CBL: variants seen among roughly 807,000 people sequenced by gnomAD.
CBL encodes Cbl proto-oncogene, also known as E3 ubiquitin-protein ligase CBL.
CBL carries 45 observed loss-of-function variants against 96.9 expected under a neutral mutation model. The ratio of observed to expected loss-of-function variants is 0.46; its 90% CI spans 0.37 to 0.60. CBL has a LOEUF of 0.60. Among genes scored for constraint, CBL ranks in the 20% least tolerant of loss-of-function variants. The pLI is 0.00. For synonymous variants in CBL, 420 were observed against 426.8 expected (o/e 0.98, Z 0.20); for missense variants, 1,024 against 1,143.5 (o/e 0.90, Z 1.51).
rs1429022631 is a variant in CBL at position 119,302,989 on chromosome 11, T to C, written c.*3208T>C. Reference sequence around the variant, plus strand: ...ACTACTGTTAGTATTATTTAACTATTTTGTAGATTTAAAAGATTTCTGGTT... The same window carrying C: ...ACTACTGTTAGTATTATTTAACTATCTTGTAGATTTAAAAGATTTCTGGTT... On this transcript the variant is annotated 3_prime_UTR_variant, in exon 16 of 16. Transcript: ENST00000264033. 3 of 228,128 alleles carry C rather than the reference T, an allele frequency of 1.3e-5. No homozygotes were observed. Among genetic ancestry groups the C allele is most frequent in the African/African-American group, 6.6e-5 (3 of 45,114 alleles). The allele number at this position is 228,128 out of a possible 1,614,324, so 14.1% of individuals were successfully genotyped here.
chr11:119,241,661 A>G (rs1032381502), intron 2 of CBL, among the ~76,000 whole-genome samples: 2 of 152,204 alleles, frequency 1.3e-5, no homozygotes, highest in African/African-American at 2.4e-5. Context: ...TAAGTGTGCA[A>G]AATTCTTCTG....
At chr11:119,216,209 C>T (rs1949358784) in intron 1 of CBL, among the ~76,000 whole-genome samples, 1 of 152,220 alleles carries the variant, frequency 6.6e-6, no homozygotes, top group Non-Finnish European at 1.5e-5. Context: ...ACAACCACCA[C>T]TGTTTGCTGC....
intron 14 of CBL, 119 bp from the exon 15 acceptor site, chr11:119,298,239 G>A: frequency 1.1e-6 from 1 of 896,486 alleles, no homozygotes. Flanking sequence ...TAGACAATCA[G>A]TAACTGTTGA....
chr11:119,273,534 C>G (rs1014196862), intron 3 of CBL, among the ~76,000 whole-genome samples: 5 of 152,180 alleles, frequency 3.3e-5, no homozygotes, highest in African/African-American at 9.7e-5. Context: ...GATTTTCCCC[C>G]CTCAGCCTCC....
intron 2 of CBL, among the ~76,000 whole-genome samples, chr11:119,246,287 AATAC>A (rs1467122399): frequency 6.6e-6 from 1 of 151,570 alleles, no homozygotes; most frequent in African/African-American, 2.4e-5. Context: ...AAATCTTTTT[AATAC>A]ATAGTTTAAG....
chr11:119,298,480 G>C lies in CBL; in HGVS notation c.2374G>C (p.Asp792His). Reference sequence around the variant, plus strand: ...CGTGCTGGCCCGCCGAACTCTCTCAGATATCTCTAATGCCAGCTCCTCCTT... The same window carrying C: ...CGTGCTGGCCCGCCGAACTCTCTCACATATCTCTAATGCCAGCTCCTCCTT... ...PAVLARRTLS[D>H]ISNASSSFGW... The change falls in exon 15 of 16, where the codon GAT becomes CAT. Residue 792 changes from aspartate (D) to histidine (H), a missense_variant. Physicochemically the swap from Asp to His is moderately conservative, Grantham distance 81 (BLOSUM62 -1). This residue lies in a region of CBL where 695 missense variants were observed against 661.6 expected (regional missense o/e 1.05). Transcript: ENST00000264033. 6.2e-7 allele frequency: 1 copy of C among 1,614,220 alleles called. No individual in the cohort carries two copies. The highest frequency in any genetic ancestry group is 8.5e-7 in the Non-Finnish European group (1 of 1,180,036).
chr11:119,208,424 CT>C (rs1949291281), intron 1 of CBL, among the ~76,000 whole-genome samples: 2 of 150,142 alleles, frequency 1.3e-5, no homozygotes, highest in African/African-American at 4.9e-5. Context: ...GTTTTTCGCT[CT>C]TGTTACCCAG....
Position 119,305,893 on chromosome 11 carries a change from G to A in CBL, c.*6112G>A, listed in dbSNP as rs1950136088. The A allele has an allele frequency of 4.1e-6, 1 of 246,714 alleles. No homozygotes were observed. Among genetic ancestry groups the A allele is most frequent in the African/African-American group, 2.2e-5 (1 of 45,768 alleles). 15.3% of individuals were successfully genotyped at this position (246,714 alleles called of 1,614,324 possible). On this transcript the variant is annotated 3_prime_UTR_variant, in exon 16 of 16. Coordinates refer to ENST00000264033, the MANE Select transcript of CBL (RefSeq NM_005188.4). The stretch of plus-strand genomic sequence containing the variant: ...GTTTTTTAAACTACTAGAGTCATTT[G>A]ATACACACAGAAGTTACCTAATAAT...
intron 2 of CBL, among the ~76,000 whole-genome samples, chr11:119,253,988 CAAAA>C (rs55881003): frequency 3.1e-4 from 21 of 67,062 alleles, no homozygotes; most frequent in Non-Finnish European, 4.1e-4. Flanking sequence ...GACCTTGACT[CAAAA>C]AAAAAAAAAA....
chr11:119,218,207 C>A (rs1445466058), intron 1 of CBL, among the ~76,000 whole-genome samples: 1 of 152,164 alleles, frequency 6.6e-6, no homozygotes, highest in African/African-American at 2.4e-5. Context: ...ACCCGGCACT[C>A]ACACTTACAA....
At chr11:119,223,021 G>C (rs915458560) in intron 1 of CBL, among the ~76,000 whole-genome samples, 2 of 151,754 alleles carry the variant, frequency 1.3e-5, no homozygotes, top group African/African-American at 4.8e-5. Context: ...GCAAAAAATA[G>C]TTTAAAAAAT....
chr11:119,215,815 A>G (rs1949355267), intron 1 of CBL, among the ~76,000 whole-genome samples: 1 of 152,098 alleles, frequency 6.6e-6, no homozygotes, highest in Non-Finnish European at 1.5e-5. Flanking sequence ...CGACAGAGCT[A>G]GACTCTGTCT....
chr11:119,279,092 A>C (rs956810849), intron 9 of CBL, among the ~76,000 whole-genome samples: 1 of 151,736 alleles, frequency 6.6e-6, no homozygotes, highest in African/African-American at 2.4e-5. Flanking sequence ...CTTTATTCAT[A>C]TCTGTTGGTG....
intron 12 of CBL, among the ~76,000 whole-genome samples, chr11:119,290,257 G>T (rs762954614): frequency 6.6e-6 from 1 of 152,066 alleles, no homozygotes; most frequent in Non-Finnish European, 1.5e-5. Flanking sequence ...TGTTGCCCAG[G>T]CTGGTCTCGA....
intron 1 of CBL, among the ~76,000 whole-genome samples, chr11:119,207,825 C>T (rs1308925668): frequency 5.3e-5 from 8 of 152,120 alleles, no homozygotes; most frequent in Non-Finnish European, 8.8e-5. Flanking sequence ...TTGGTTCCTC[C>T]CTGGGCCTCG....
intron 12 of CBL, among the ~76,000 whole-genome samples, chr11:119,288,491 A>AGAGC (rs1385409748): frequency 6.9e-6 from 1 of 145,910 alleles, no homozygotes; most frequent in Non-Finnish European, 1.5e-5. Flanking sequence ...AGAGAGAGAG[A>AGAGC]GAGCACGCAC....
intron 2 of CBL, among the ~76,000 whole-genome samples, chr11:119,269,388 T>C (rs949140950): frequency 6.6e-6 from 1 of 151,950 alleles, no homozygotes; most frequent in Non-Finnish European, 1.5e-5. Context: ...GCCCGCCTAA[T>C]TTTTGTATTT....
intron 12 of CBL, among the ~76,000 whole-genome samples, chr11:119,292,480 G>C (rs1476909727): frequency 1.3e-5 from 2 of 151,666 alleles, no homozygotes; most frequent in Non-Finnish European, 2.9e-5. Flanking sequence ...GAGTGCAGTG[G>C]CGCAGTCTTG....
At chr11:119,263,702 G>C (rs562263629) in intron 2 of CBL, among the ~76,000 whole-genome samples, 2 of 152,294 alleles carry the variant, frequency 1.3e-5, no homozygotes, top group Admixed American at 6.5e-5. Context: ...GATGATAAGA[G>C]TTAAACAGTA....
Sources: allele counts gnomAD v4.1 joint callset (sites outside exome capture counted in the v4.1 genomes callset), GRCh38; gene constraint gnomAD v4.1.1; regional missense constraint gnomAD v4.1.1; transcripts MANE v1.5; gene names NCBI Gene and HGNC (gene_info 2026-07-23, HGNC 2026-07-21).